Variants in COL13A1 observed in about 807,000 individuals in gnomAD.
The protein encoded by COL13A1 is collagen type XIII alpha 1 chain, also known as collagen alpha-1(XIII) chain.
In COL13A1, 89 loss-of-function variants were observed where a neutral mutation model predicts 130.9. The ratio of observed to expected loss-of-function variants is 0.68; its 90% CI spans 0.57 to 0.81. The LOEUF is 0.81. COL13A1 is among the 30% of genes least tolerant of loss of function. The pLI is 0.00. For synonymous variants in COL13A1, 402 were observed against 341.6 expected, an observed-to-expected ratio of 1.18 and a Z score of -1.95; for missense variants, 879 against 934.6, an observed-to-expected ratio of 0.94 and a Z score of 0.78.
At position 69,919,679 on chromosome 10, in the gene COL13A1, A is replaced by T; in HGVS notation, c.1041A>T (p.Ala347=). 2.5e-6 allele frequency: 1 copy of T among 398,846 alleles called. No homozygotes were observed. The allele number at this position is 398,846 out of a possible 1,614,324, so 24.7% of individuals were successfully genotyped here. A position where few individuals can be genotyped will look rare whatever the true frequency, so the allele number is the denominator to read the frequency against. The change falls in exon 21 of 41, where the codon GCA becomes GCT. Residue 347 remains alanine (A), a synonymous_variant. Transcript: ENST00000645393. ...TTACCCCAAAGGGAGACCCAGGAGC[A>T]GAAGGGAAGCCGGGGCCCCCAGGTT... ...GIPGTKGDPG[A]EGKPGPPGLL...
At chr10:69,841,062 C>T (rs1851469218) in intron 2 of COL13A1, among the ~76,000 whole-genome samples, 1 of 151,884 alleles carries the variant, frequency 6.6e-6, no homozygotes, top group Non-Finnish European at 1.5e-5. Context: ...CATCCCTCCC[C>T]ACTGCCCCCC....
At chr10:69,863,465 T>G (rs889446971) in intron 2 of COL13A1, among the ~76,000 whole-genome samples, 1 of 151,984 alleles carries the variant, frequency 6.6e-6, no homozygotes, top group African/African-American at 2.4e-5. Context: ...GAGGCATGGG[T>G]GGGGGCTAGG....
intron 1 of COL13A1, among the ~76,000 whole-genome samples, chr10:69,816,251 A>G (rs1173212944): frequency 6.8e-6 from 1 of 147,460 alleles, no homozygotes; most frequent in Non-Finnish European, 1.5e-5. Flanking sequence ...AAAGAACAGG[A>G]ATTGCTAATG....
chr10:69,899,834 G>A (rs1187941870), intron 14 of COL13A1, among the ~76,000 whole-genome samples: 1 of 152,136 alleles, frequency 6.6e-6, no homozygotes, highest in East Asian at 1.9e-4. Flanking sequence ...CGCTAGCAGT[G>A]GCAGGGCTCT....
intron 2 of COL13A1, among the ~76,000 whole-genome samples, chr10:69,851,009 G>A (rs906342298): frequency 2.0e-5 from 3 of 151,816 alleles, no homozygotes; most frequent in African/African-American, 7.3e-5. Flanking sequence ...GGATGGCACA[G>A]CACAGCAGGC....
At chr10:69,925,896 C>G in intron 26 of COL13A1, 24 bp downstream of exon 26, 1 of 1,561,284 alleles carries the variant, frequency 6.4e-7, no homozygotes, top group South Asian at 1.2e-5. Flanking sequence ...AGCCCAGAGG[C>G]CAAGATCCTC....
chr10:69,886,931 C>T (rs1427408106), intron 7 of COL13A1, among the ~76,000 whole-genome samples: 1 of 152,182 alleles, frequency 6.6e-6, no homozygotes, highest in Non-Finnish European at 1.5e-5. Flanking sequence ...TGCCCAACTG[C>T]TAGGAGAAGC....
intron 15 of COL13A1, among the ~76,000 whole-genome samples, chr10:69,903,578 A>C (rs1472117421): frequency 6.6e-6 from 1 of 152,242 alleles, no homozygotes; most frequent in African/African-American, 2.4e-5. Context: ...GACTTCAGAG[A>C]AAACGGGTCT....
At chr10:69,952,347 TCATA>T (rs202221451) in intron 38 of COL13A1, among the ~76,000 whole-genome samples, 2,845 of 152,310 alleles carry the variant, frequency 0.019, 40 homozygotes, top group South Asian at 0.068. Context: ...ACCTGTATAC[TCATA>T]CATACATATA....
intron 2 of COL13A1, 24 bp downstream of exon 2, chr10:69,822,462 A>T: frequency 6.4e-7 from 1 of 1,558,550 alleles, no homozygotes; most frequent in Non-Finnish European, 8.7e-7. Context: ...CAAATAGGTG[A>T]CCGCGGATGT....
intron 10 of COL13A1, among the ~76,000 whole-genome samples, chr10:69,891,001 C>T (rs2061116934): frequency 6.6e-6 from 1 of 152,188 alleles, no homozygotes; most frequent in Non-Finnish European, 1.5e-5. Flanking sequence ...TTTCTGTTTC[C>T]CTCACTCTTT....
chr10:69,849,026 T>TTCA (rs750070285), intron 2 of COL13A1, among the ~76,000 whole-genome samples: 13 of 152,224 alleles, frequency 8.5e-5, no homozygotes, highest in Non-Finnish European at 1.0e-4. Flanking sequence ...ATGTGGGCAA[T>TTCA]TCATCTCCAC....
intron 2 of COL13A1, among the ~76,000 whole-genome samples, chr10:69,861,836 C>T (rs1400061248): frequency 6.6e-6 from 1 of 152,194 alleles, no homozygotes; most frequent in Non-Finnish European, 1.5e-5. Context: ...GTGATTTAAA[C>T]TGCTGCCCAC....
At chr10:69,931,771 T>C (rs1174353108) in intron 30 of COL13A1, among the ~76,000 whole-genome samples, 1 of 152,216 alleles carries the variant, frequency 6.6e-6, no homozygotes, top group Non-Finnish European at 1.5e-5. Flanking sequence ...ATTTATTATC[T>C]ATTGCTGCAT....
intron 17 of COL13A1, among the ~76,000 whole-genome samples, chr10:69,911,112 C>G (rs1348084136): frequency 6.6e-6 from 1 of 152,168 alleles, no homozygotes; most frequent in Non-Finnish European, 1.5e-5. Context: ...GATGAGATGG[C>G]TAGAGGGCTG....
rs191156324 is a variant in COL13A1, at chr10:69,806,766, G to A, written c.294+4049G>A. ...TCATGCCTGTAATCCCAGCACTTTG[G>A]GAGGCCAAGGTTGGTGGATCACCTG... On this transcript the variant is annotated intron_variant, in intron 1 of 40. Coordinates refer to ENST00000645393, the MANE Select transcript of COL13A1 (RefSeq NM_001368882.1). Among the ~76,000 whole-genome samples, 302 of 152,318 alleles carry A rather than the reference G, an allele frequency of 2.0e-3. 1 individual carries two copies. Among genetic ancestry groups the A allele is most frequent in the African/African-American group, 6.8e-3 (284 of 41,578 alleles).
At chr10:69,889,327 A>G (rs10999016) in intron 9 of COL13A1, 87 bp from the exon 10 acceptor site, 75,030 of 923,436 alleles carry the variant, frequency 0.081, 2,620 homozygotes, top group South Asian at 0.13. Context: ...GGAGGAGCAC[A>G]GGGGGCAGGG....
At chr10:69,881,263 G>A (rs1393734834) in intron 7 of COL13A1, among the ~76,000 whole-genome samples, 2 of 152,204 alleles carry the variant, frequency 1.3e-5, no homozygotes, top group African/African-American at 2.4e-5. Context: ...GTCTAACACA[G>A]CCCTCTCAGA....
chr10:69,817,564 G>A (rs1176541313), intron 1 of COL13A1, among the ~76,000 whole-genome samples: 1 of 152,004 alleles, frequency 6.6e-6, no homozygotes, highest in Non-Finnish European at 1.5e-5. Flanking sequence ...AGATCAGTCG[G>A]CGAGGTTGTG....
Sources: gnomAD v4.1 joint callset for allele counts (sites outside exome capture counted in the v4.1 genomes callset) on GRCh38, gnomAD v4.1.1 for gene constraint, MANE v1.5 for transcripts, NCBI Gene and HGNC (gene_info 2026-07-23, HGNC 2026-07-21) for gene names.